LIN9: variants seen among roughly 807,000 people sequenced by gnomAD.
LIN9 encodes lin-9 DREAM MuvB core complex component.
In LIN9, 18 loss-of-function variants were observed where a neutral mutation model predicts 78.0. That is an observed-to-expected ratio of 0.23 (90% CI 0.16 to 0.34). The LOEUF is 0.34. Ranked by LOEUF, LIN9 falls within the 10% of genes least tolerant of loss-of-function variation. LIN9 has a pLI of 1.00. For synonymous variants in LIN9, 192 were observed against 215.2 expected (o/e 0.89, Z 0.94); for missense variants, 451 against 644.1 (o/e 0.70, Z 3.25).
At chr1:226,246,674 T>A (rs1321849445) in intron 11 of LIN9, among the ~76,000 whole-genome samples, 1 of 150,792 alleles carries the variant, frequency 6.6e-6, no homozygotes, top group Non-Finnish European at 1.5e-5. Flanking sequence ...GCGCCTGTAG[T>A]CCCAGCTACT....
intron 7 of LIN9, among the ~76,000 whole-genome samples, chr1:226,274,507 A>G (rs908495806): frequency 6.6e-6 from 1 of 152,038 alleles, no homozygotes; most frequent in African/African-American, 2.4e-5. Flanking sequence ...TCTTAGATCT[A>G]TATTTTTGGA....
At chr1:226,271,420 T>C (rs1660267130) in intron 7 of LIN9, among the ~76,000 whole-genome samples, 1 of 152,244 alleles carries the variant, frequency 6.6e-6, no homozygotes, top group South Asian at 2.1e-4. Context: ...GGAATATGTT[T>C]AATTAAATTC....
intron 11 of LIN9, among the ~76,000 whole-genome samples, chr1:226,244,359 G>A (rs1658324019): frequency 6.6e-6 from 1 of 152,062 alleles, no homozygotes; most frequent in African/African-American, 2.4e-5. Context: ...TTGAACCTGG[G>A]AGGCAGACGT....
chr1:226,306,192 G>C (rs2102689995), intron 1 of LIN9, among the ~76,000 whole-genome samples: 1 of 152,142 alleles, frequency 6.6e-6, no homozygotes, highest in Non-Finnish European at 1.5e-5. Flanking sequence ...AGGTGTGGTG[G>C]CGGGCGCCTG....
At chr1:226,308,087 A>G (rs1016761832) in intron 1 of LIN9, among the ~76,000 whole-genome samples, 11 of 152,264 alleles carry the variant, frequency 7.2e-5, no homozygotes, top group Admixed American at 5.2e-4. Context: ...TTGTGCATAG[A>G]TAAGATTCAA....
intron 1 of LIN9, among the ~76,000 whole-genome samples, chr1:226,307,569 G>A (rs1662991370): frequency 6.6e-6 from 1 of 152,224 alleles, no homozygotes; most frequent in African/African-American, 2.4e-5. Flanking sequence ...CTGGGAGGCA[G>A]AGGTTGCAAT....
rs376204222 is a variant in LIN9 at position 226,233,426 on chromosome 1, G to A, written c.1343C>T (p.Ser448Phe). 1 of 1,614,148 alleles carries A rather than the reference G, an allele frequency of 6.2e-7. No individual in the cohort carries two copies. The highest frequency in any genetic ancestry group is 1.1e-5 in the South Asian group (1 of 91,086). The change falls in exon 13 of 15, where the codon TCC (serine) becomes TTC (phenylalanine). Residue 448 changes from serine to phenylalanine, a missense_variant. Transcript: ENST00000681046. Reference protein sequence around the residue: ...EAQEIVRHANSSTGQPCVENE... With the variant: ...EAQEIVRHANFSTGQPCVENE... ...TTCAACGCAGGGCTGTCCTGTTGAGGAATTTGCATGCCGAACAATTTCCTG... is the reference window on the plus strand; with the variant it reads ...TTCAACGCAGGGCTGTCCTGTTGAGAAATTTGCATGCCGAACAATTTCCTG...
chr1:226,304,936 C>A (rs1662806643), intron 1 of LIN9, among the ~76,000 whole-genome samples: 1 of 152,112 alleles, frequency 6.6e-6, no homozygotes. Context: ...CAGTGGCTCA[C>A]ACCTGTAATC....
intron 4 of LIN9, among the ~76,000 whole-genome samples, chr1:226,293,414 A>G (rs773409268): frequency 6.6e-6 from 1 of 152,224 alleles, no homozygotes; most frequent in Non-Finnish European, 1.5e-5. Flanking sequence ...ATGTTTGTGA[A>G]TCATCTAGAT....
chr1:226,262,312 T>G (rs1232813124), intron 10 of LIN9, among the ~76,000 whole-genome samples: 1 of 152,172 alleles, frequency 6.6e-6, no homozygotes, highest in African/African-American at 2.4e-5. Flanking sequence ...TTCTGTTTGG[T>G]TAAAGACATT....
Position 226,247,592 on chromosome 1 carries a change from C to T in LIN9, c.1119+3247G>A, listed in dbSNP as rs913379295. ...AGAAGTCCCCAAGGAAAAAGCAACC[C>T]TGAACATCAGGTTCCCCCTTACTTC... is the stretch of plus-strand genomic sequence containing the variant. On this transcript the variant is annotated intron_variant, in intron 11 of 14. Transcript: ENST00000681046. Among the ~76,000 whole-genome samples, 5 of 152,090 alleles carry T rather than the reference C, an allele frequency of 3.3e-5. 1 individual carries two copies. Among genetic ancestry groups the T allele is most frequent in the Non-Finnish European group, 7.4e-5 (5 of 68,024 alleles).
At chr1:226,255,667 T>C (rs913885663) in intron 10 of LIN9, among the ~76,000 whole-genome samples, 4 of 152,198 alleles carry the variant, frequency 2.6e-5, no homozygotes, top group African/African-American at 7.2e-5. Context: ...ATGGATAAAA[T>C]AGCATGCAAG....
chr1:226,259,863 T>TA (rs879933378), intron 10 of LIN9, among the ~76,000 whole-genome samples: 295 of 131,120 alleles, frequency 2.2e-3, no homozygotes, highest in African/African-American at 4.7e-3. Flanking sequence ...CTTAGGAAAC[T>TA]AAAAAAAAAA....
At chr1:226,307,246 G>C (rs1662971819) in intron 1 of LIN9, among the ~76,000 whole-genome samples, 1 of 152,210 alleles carries the variant, frequency 6.6e-6, no homozygotes, top group African/African-American at 2.4e-5. Context: ...GATAAGACAT[G>C]TTTATGATAA....
chr1:226,289,270 A>G (rs1661575310), intron 4 of LIN9, among the ~76,000 whole-genome samples: 1 of 152,072 alleles, frequency 6.6e-6, no homozygotes, highest in African/African-American at 2.4e-5. Context: ...AATCTCAAAA[A>G]AAGAATATGT....
chr1:226,235,309 C>G (rs1371251007), intron 12 of LIN9, among the ~76,000 whole-genome samples: 1 of 67,564 alleles, frequency 1.5e-5, no homozygotes, highest in Non-Finnish European at 2.7e-5. Context: ...TGGACAAGAG[C>G]GAAAATCCGT....
intron 10 of LIN9, among the ~76,000 whole-genome samples, chr1:226,251,232 T>TG (rs1439971737): frequency 6.6e-6 from 1 of 150,804 alleles, no homozygotes; most frequent in Non-Finnish European, 1.5e-5. Flanking sequence ...TTTTGTAATT[T>TG]TTTTTTTTTT....
chr1:226,239,740 T>C (rs1421702705), intron 11 of LIN9, among the ~76,000 whole-genome samples: 1 of 152,174 alleles, frequency 6.6e-6, no homozygotes, highest in African/African-American at 2.4e-5. Flanking sequence ...CAATGGATAT[T>C]AACTTTTTAT....
At chr1:226,306,393 C>T (rs1354720676) in intron 1 of LIN9, among the ~76,000 whole-genome samples, 1 of 151,982 alleles carries the variant, frequency 6.6e-6, no homozygotes, top group African/African-American at 2.4e-5. Flanking sequence ...GCCCTGCCAG[C>T]TGAATGCACA....
Sources: gnomAD v4.1 joint callset for allele counts (sites outside exome capture counted in the v4.1 genomes callset) on GRCh38, gnomAD v4.1.1 for gene constraint, MANE v1.5 for transcripts, NCBI Gene and HGNC (gene_info 2026-07-23, HGNC 2026-07-21) for gene names.